Variants in ROBO2 observed in about 807,000 individuals in gnomAD.
The protein encoded by ROBO2 is roundabout guidance receptor 2, also known as roundabout homolog 2.
ROBO2 carries 53 observed loss-of-function variants against 160.8 expected under a neutral mutation model. That is an observed-to-expected ratio of 0.33 (90% confidence interval 0.26 to 0.41). The LOEUF (loss-of-function observed/expected upper bound fraction) is 0.41, where lower values mean the gene tolerates loss of function less well. Ranked by LOEUF, ROBO2 falls within the 10% of genes least tolerant of loss-of-function variation. The probability of loss-of-function intolerance (pLI) is 1.00; values close to 1 mark genes in which losing one functional copy is unlikely to be tolerated. For missense variants in ROBO2, 1,577 were observed against 1,722.4 expected, an observed-to-expected ratio of 0.92 and a Z score of 1.49; for synonymous variants, 664 against 611.7, an observed-to-expected ratio of 1.09 and a Z score of -1.26.
chr3:76,047,946 G>C (rs143648738), intron 2 of ROBO2, among the ~76,000 whole-genome samples: 20 of 152,228 alleles, frequency 1.3e-4, no homozygotes, highest in South Asian at 4.1e-4. Flanking sequence ...TAATGAATAT[G>C]GTTATATTAT....
chr3:76,152,623 G>C (rs1312609948), intron 2 of ROBO2, among the ~76,000 whole-genome samples: 1 of 152,032 alleles, frequency 6.6e-6, no homozygotes, highest in Non-Finnish European at 1.5e-5. Flanking sequence ...CAATTCTTCT[G>C]TGAGGAATCA....
intron 3 of ROBO2, among the ~76,000 whole-genome samples, chr3:77,478,144 A>G (rs972617480): frequency 7.9e-5 from 12 of 152,088 alleles, no homozygotes; most frequent in Non-Finnish European, 1.5e-5. Flanking sequence ...GCTCTTTTAT[A>G]AAATCTCCAG....
intron 2 of ROBO2, among the ~76,000 whole-genome samples, chr3:77,472,077 G>A (rs538102740): frequency 1.3e-3 from 196 of 152,236 alleles, no homozygotes; most frequent in Non-Finnish European, 2.1e-3. Flanking sequence ...CTGAAGTGGC[G>A]TATTTTGGGG....
intron 2 of ROBO2, among the ~76,000 whole-genome samples, chr3:77,352,575 ATT>A (rs71682024): frequency 1.3e-5 from 2 of 151,338 alleles, no homozygotes; most frequent in South Asian, 2.1e-4. Flanking sequence ...TTAGAACATG[ATT>A]TTTTTTTTCC....
chr3:77,200,026 TA>T (rs1405096721), intron 2 of ROBO2, among the ~76,000 whole-genome samples: 5 of 151,300 alleles, frequency 3.3e-5, no homozygotes, highest in Non-Finnish European at 7.4e-5. Context: ...AGTAAGTGAA[TA>T]AAAGAGCAGG....
chr3:77,493,524 T>G (rs1024805396), intron 5 of ROBO2, 142 bp downstream of exon 5: 11 of 879,158 alleles, frequency 1.3e-5, no homozygotes, highest in Non-Finnish European at 2.0e-5. Context: ...GCAAGCCACA[T>G]ATTTACTGTT....
chr3:77,108,240 A>G (rs1056222432), intron 2 of ROBO2, among the ~76,000 whole-genome samples: 2 of 149,628 alleles, frequency 1.3e-5, no homozygotes, highest in Non-Finnish European at 3.0e-5. Flanking sequence ...ATATATATGT[A>G]TACACATATG....
chr3:77,129,300 T>A (rs2075634162), intron 2 of ROBO2, among the ~76,000 whole-genome samples: 1 of 152,228 alleles, frequency 6.6e-6, no homozygotes, highest in East Asian at 1.9e-4. Flanking sequence ...ATTAGGTTTA[T>A]GCAAAAGTAA....
At chr3:77,020,307 CT>C (rs996499631) in intron 2 of ROBO2, among the ~76,000 whole-genome samples, 2 of 152,142 alleles carry the variant, frequency 1.3e-5, no homozygotes, top group African/African-American at 4.8e-5. Context: ...AAGGAGAGAA[CT>C]TTTTATATAT....
chr3:76,468,252 T>C (rs759957823), intron 2 of ROBO2, among the ~76,000 whole-genome samples: 3 of 152,144 alleles, frequency 2.0e-5, no homozygotes, highest in Non-Finnish European at 4.4e-5. Context: ...AATATGGGAA[T>C]TGAATCCATT....
chr3:77,160,987 G>A (rs551613699), intron 2 of ROBO2, among the ~76,000 whole-genome samples: 5 of 152,244 alleles, frequency 3.3e-5, no homozygotes, highest in African/African-American at 9.6e-5. Context: ...TGTTATTAAA[G>A]CATCCTTTAT....
chr3:76,408,557 TAAGAGA>T (rs1238838872), intron 2 of ROBO2, among the ~76,000 whole-genome samples: 1 of 152,048 alleles, frequency 6.6e-6, no homozygotes, highest in Non-Finnish European at 1.5e-5. Context: ...TTCATTTCAG[TAAGAGA>T]AAGAAATTAG....
At chr3:77,290,254 G>A (rs1293503635) in intron 2 of ROBO2, among the ~76,000 whole-genome samples, 3 of 141,582 alleles carry the variant, frequency 2.1e-5, no homozygotes, top group South Asian at 2.4e-4. Flanking sequence ...ATGGTTAAAC[G>A]GGAAGTTGAG....
intron 2 of ROBO2, among the ~76,000 whole-genome samples, chr3:76,015,965 A>G (rs955600812): frequency 7.9e-5 from 12 of 152,228 alleles, no homozygotes; most frequent in Non-Finnish European, 2.9e-5. Context: ...TCCTCTTCAC[A>G]GAATGGGATT....
chr3:76,613,747 G>A (rs149089796), intron 2 of ROBO2, among the ~76,000 whole-genome samples: 517 of 152,030 alleles, frequency 3.4e-3, no homozygotes, highest in Non-Finnish European at 5.7e-3. Context: ...TCTCTTTAAA[G>A]GATTTTCTCA....
At chr3:77,632,425 T>A in intron 23 of ROBO2, 1 of 1,386,442 alleles carries the variant, frequency 7.2e-7, no homozygotes, top group Non-Finnish European at 9.6e-7. Flanking sequence ...TACAAGCAGA[T>A]GAGATTTTCA....
intron 2 of ROBO2, among the ~76,000 whole-genome samples, chr3:76,388,507 G>A (rs374230011): frequency 4.1e-4 from 63 of 152,088 alleles, no homozygotes; most frequent in Middle Eastern, 6.8e-3. Context: ...TCCTGACCTC[G>A]CGATCCGCCC....
rs566329515 is a variant in ROBO2, at chr3:76,192,410, A to G, written c.109+254808A>G. ...TTCTTGTTGGTATAAAAATAAATAAATAAAAATAAAATCTCCTTTCCTAGC... is the reference window on the plus strand; with the variant it reads ...TTCTTGTTGGTATAAAAATAAATAAGTAAAAATAAAATCTCCTTTCCTAGC... On this transcript the variant is annotated intron_variant, in intron 2 of 26. Coordinates refer to the ROBO2 transcript ENST00000487694. Among the ~76,000 whole-genome samples the G allele has an allele frequency of 6.6e-5, 10 of 152,106 alleles. No homozygotes were observed. In the East Asian group the frequency reaches 1.9e-3, roughly 29 times the overall value.
At chr3:77,568,962 T>A (rs1182163966) in intron 13 of ROBO2, among the ~76,000 whole-genome samples, 1 of 152,048 alleles carries the variant, frequency 6.6e-6, no homozygotes, top group Middle Eastern at 3.2e-3. Flanking sequence ...TTGAGGTTCA[T>A]CCATGTGGTA....
Sources: gnomAD v4.1 joint callset for allele counts (sites outside exome capture counted in the v4.1 genomes callset) on GRCh38, gnomAD v4.1.1 for gene constraint, MANE v1.5 for transcripts, NCBI Gene and HGNC (gene_info 2026-07-23, HGNC 2026-07-21) for gene names.